Variants in MYBPC2 observed in about 807,000 individuals in gnomAD.
MYBPC2 encodes the protein myosin binding protein C2.
A neutral mutation model predicts 137.0 loss-of-function variants in MYBPC2; 122 were observed. That is an observed-to-expected ratio of 0.89 (90% confidence interval 0.77 to 1.03). The LOEUF (loss-of-function observed/expected upper bound fraction) is 1.03, where lower values mean the gene tolerates loss of function less well. MYBPC2 is among the 50% of genes least tolerant of loss of function. MYBPC2 has a pLI of 0.00. For synonymous variants in MYBPC2, 626 were observed against 612.3 expected (o/e 1.02, Z -0.33); for missense variants, 1,500 against 1,534.4 (o/e 0.98, Z 0.37).
rs1240134621 is a variant in MYBPC2 at position 50,436,625 on chromosome 19, C to T, written c.354C>T (p.Thr118=). Residue 118 remains threonine, a synonymous_variant, in exon 5 of 28, where the codon ACC becomes ACT. Transcript: ENST00000357701. ...CCCGGCCCTGGACCCAGGTGTACAC[C>T]GTGGAGCTGCACATTGGGAAGGTGG... The part of the protein sequence containing the change: ...ESHNSASNVY[T]VELHIGKVVL... 27 of 1,613,688 alleles carry T rather than the reference C, an allele frequency of 1.7e-5. No homozygotes were observed. The highest frequency in any genetic ancestry group is 1.6e-4 in the East Asian group (7 of 44,894).
intron 23 of MYBPC2, 61 bp downstream of exon 23, chr19:50,459,367 G>T: frequency 2.3e-6 from 3 of 1,315,336 alleles, no homozygotes; most frequent in Non-Finnish European, 3.1e-6. Context: ...AGCGATGGGG[G>T]AGGAGGTAAG....
At chr19:50,456,366 G>A (rs1213460557) in intron 20 of MYBPC2, among the ~76,000 whole-genome samples, 1 of 103,598 alleles carries the variant, frequency 9.7e-6, no homozygotes, top group East Asian at 2.8e-4. Flanking sequence ...CCATCCATCT[G>A]TCCATCCATC....
In MYBPC2 at chr19:50,450,797, T is replaced by C. The variant is rs151266866; in HGVS notation, c.1473-32T>C. On this transcript the variant is annotated intron_variant, in intron 13 of 27. Coordinates refer to ENST00000357701, the MANE Select transcript of MYBPC2 (RefSeq NM_004533.4). ...CCATAGTGGTCCCATTGCAATCTGG[T>C]TCGAGCCCTACCCTGCTCCCCCACC... 2.4e-4 allele frequency: 360 copies of C among 1,525,868 alleles called. No homozygotes were observed. In the African/African-American group the frequency reaches 4.6e-3, roughly 19 times the overall value. 94.5% of individuals were successfully genotyped at this position (1,525,868 alleles called of 1,614,324 possible).
intron 26 of MYBPC2, 31 bp from the exon 27 acceptor site, chr19:50,464,315 A>C (rs891608213): frequency 1.3e-6 from 2 of 1,571,800 alleles, no homozygotes; most frequent in Non-Finnish European, 1.7e-6. Flanking sequence ...TCTCTCTCTA[A>C]GTTGGCCTCC....
intron 8 of MYBPC2, among the ~76,000 whole-genome samples, chr19:50,441,364 G>A (rs550351590): frequency 6.6e-6 from 1 of 152,246 alleles, no homozygotes; most frequent in East Asian, 1.9e-4. Flanking sequence ...GCAATGACCA[G>A]ACCACCCAAA....
rs1568669142 is a variant in MYBPC2 at position 50,460,167 on chromosome 19, C to T, written c.2919C>T (p.Asp973=). The stretch of plus-strand genomic sequence containing the variant: ...TGGGGTATTTCGTCCAGAAAGCAGA[C>T]AAAAAAACCATGGTGAGAGAGCAGA... ...EIMGYFVQKA[D]KKTMEWFNVY... Residue 973 remains aspartate, a synonymous_variant, in exon 24 of 28, where the codon GAC becomes GAT. Coordinates refer to ENST00000357701, the MANE Select transcript of MYBPC2 (RefSeq NM_004533.4). 1 of 1,599,452 alleles carries T rather than the reference C, an allele frequency of 6.3e-7. No homozygotes were observed. Among genetic ancestry groups the T allele is most frequent in the East Asian group, 2.2e-5 (1 of 44,472 alleles).
intron 13 of MYBPC2, among the ~76,000 whole-genome samples, chr19:50,448,919 A>C (rs533629922): frequency 6.6e-6 from 1 of 151,960 alleles, no homozygotes; most frequent in African/African-American, 2.4e-5. Context: ...TAGTCAAGAC[A>C]GAGTTTCACC....
intron 4 of MYBPC2, 38 bp from the exon 5 acceptor site, chr19:50,436,579 G>T: frequency 1.3e-6 from 2 of 1,559,032 alleles, no homozygotes; most frequent in Non-Finnish European, 1.8e-6. Context: ...GCTCTAGAGG[G>T]TGGTCCCGTG....
chr19:50,436,781 G>T, intron 5 of MYBPC2, 47 bp downstream of exon 5: 1 of 1,566,430 alleles, frequency 6.4e-7, no homozygotes, highest in South Asian at 1.1e-5. Flanking sequence ...TGTCTGGGTG[G>T]GGTGGACAGA....
rs1242035908 is a variant in MYBPC2 at position 50,465,378 on chromosome 19, C to T, written c.3416-817C>T. Among the ~76,000 whole-genome samples, 1 of 152,214 alleles carries T rather than the reference C, an allele frequency of 6.6e-6. No individual in the cohort carries two copies. Among genetic ancestry groups the T allele is most frequent in the Admixed American group, 6.5e-5 (1 of 15,272 alleles). ...TGGGCTCCGGCCCATCAGATGTCTG[C>T]CAGTCAAGGCTCAGCGAGGAGGCCA... On this transcript the variant is annotated intron_variant, in intron 27 of 27. Coordinates refer to ENST00000357701, the MANE Select transcript of MYBPC2 (RefSeq NM_004533.4). The surrounding 1 kb of genome is among the most constrained non-coding windows in gnomAD (Gnocchi z 4.5).
At chr19:50,461,220 G>A (rs925319243) in intron 24 of MYBPC2, among the ~76,000 whole-genome samples, 2 of 151,124 alleles carry the variant, frequency 1.3e-5, no homozygotes, top group African/African-American at 4.9e-5. Flanking sequence ...GCCCACTCTG[G>A]TCTCAAACTC....
intron 21 of MYBPC2, 48 bp downstream of exon 21, chr19:50,458,802 C>G (rs763777977): frequency 6.2e-7 from 1 of 1,603,342 alleles, no homozygotes; most frequent in Non-Finnish European, 8.5e-7. Flanking sequence ...CTGGCGTCGT[C>G]CCGCCTGCCC....
At chr19:50,436,966 A>G (rs955337164) in intron 5 of MYBPC2, among the ~76,000 whole-genome samples, 1 of 152,110 alleles carries the variant, frequency 6.6e-6, no homozygotes, top group African/African-American at 2.4e-5. Context: ...TGCACATGCA[A>G]AGGCTTAGGA....
In MYBPC2 at chr19:50,435,162, G is replaced by C; in HGVS notation, c.21G>C (p.Ala7=). 1 of 1,310,938 alleles carries C rather than the reference G, an allele frequency of 7.6e-7. No homozygotes were observed. 81.2% of individuals were successfully genotyped at this position (1,310,938 alleles called of 1,614,324 possible). The change falls in exon 2 of 28, where the codon GCG becomes GCC. Residue 7 remains alanine, a splice_region_variant and synonymous_variant. Coordinates refer to ENST00000357701, the MANE Select transcript of MYBPC2 (RefSeq NM_004533.4). This position sits in a 1 kb window ranked among gnomAD's most constrained non-coding sequence, Gnocchi z 4.8. MPEAKP[A]AKKAPKGKDA... ...CTATGACTGTCCCCTACCTTACAGC[G>C]GCCAAAAAGGCCCCCAAAGGCAAAG...
Position 50,466,166 on chromosome 19 carries a change from G to A in MYBPC2, c.3416-29G>A. On this transcript the variant is annotated intron_variant, in intron 27 of 27. Transcript: ENST00000357701. The surrounding 1 kb of genome is among the most constrained non-coding windows in gnomAD (Gnocchi z 4.9). The stretch of plus-strand genomic sequence containing the variant: ...TTCAGGAGGAGGCGTGCCCGGGCCT[G>A]GCTCACCCGCTTTCTCGTTTTCCTG... The A allele has an allele frequency of 1.9e-6, 3 of 1,613,558 alleles. No individual in the cohort carries two copies. In the South Asian group the frequency reaches 3.3e-5, roughly 18 times the overall value.
chr19:50,459,222 G>C lies in MYBPC2; in HGVS notation c.2707G>C (p.Ala903Pro). 1 of 1,611,162 alleles carries C rather than the reference G, an allele frequency of 6.2e-7. No individual in the cohort carries two copies. The highest frequency in any genetic ancestry group is 8.5e-7 in the Non-Finnish European group (1 of 1,179,566). The change falls in exon 23 of 28, where the codon GCC becomes CCC. Residue 903 changes from alanine (A) to proline (P), a missense_variant. Physicochemically the swap from Ala to Pro is conservative, Grantham distance 27. Transcript: ENST00000357701. ...FDTVFFVRQAARSDSGEYELS... is the reference protein window; with the variant it reads ...FDTVFFVRQAPRSDSGEYELS... ...CACCGTGTTCTTCGTGCGCCAGGCG[G>C]CCCGCTCCGACTCCGGGGAGTACGA...
At position 50,455,582 on chromosome 19, in the gene MYBPC2, C is replaced by T. The variant is rs777821573; in HGVS notation, c.2276C>T (p.Pro759Leu). ...TDTTTTLKWR[P>L]PNRIGAGGID... Reference sequence around the variant, plus strand: ...ACCACCACCACACTCAAGTGGAGGCCTCCGAACAGGATCGGGGCAGGTGGC... The same window carrying T: ...ACCACCACCACACTCAAGTGGAGGCTTCCGAACAGGATCGGGGCAGGTGGC... Residue 759 changes from proline (P) to leucine (L), a missense_variant, in exon 20 of 28, where the codon CCT becomes CTT. Coordinates refer to ENST00000357701, the MANE Select transcript of MYBPC2 (RefSeq NM_004533.4). 1.2e-6 allele frequency: 2 copies of T among 1,614,012 alleles called. No individual in the cohort carries two copies. Among genetic ancestry groups the T allele is most frequent in the East Asian group, 2.2e-5 (1 of 44,882 alleles).
At position 50,459,255 on chromosome 19, in the gene MYBPC2, G is replaced by A. The variant is rs1455094346; in HGVS notation, c.2740G>A (p.Val914Met). 1 of 1,611,114 alleles carries A rather than the reference G, an allele frequency of 6.2e-7. No individual in the cohort carries two copies. Among genetic ancestry groups the A allele is most frequent in the Non-Finnish European group, 8.5e-7 (1 of 1,179,440 alleles). The part of the protein sequence containing the change: ...RSDSGEYELS[V>M]QIENMKDTAT... ...CGACTCCGGGGAGTACGAGCTGAGC[G>A]TGCAGATCGAGAACATGAAGGACAC... Residue 914 changes from valine to methionine, a missense_variant, in exon 23 of 28, where the codon GTG becomes ATG. Val to Met is a conservative substitution (Grantham distance 21). Transcript: ENST00000357701.
intron 20 of MYBPC2, 130 bp downstream of exon 20, chr19:50,455,774 T>C (rs1020035653): frequency 6.6e-6 from 9 of 1,356,092 alleles, no homozygotes; most frequent in Non-Finnish European, 8.9e-6. Flanking sequence ...GTGTCTGTAC[T>C]GTTATAAGTC....
Sources: gnomAD v4.1 joint callset for allele counts (sites outside exome capture counted in the v4.1 genomes callset) on GRCh38, gnomAD v4.1.1 for gene constraint, Gnocchi (gnomAD v3.1) non-coding constraint, MANE v1.5 for transcripts, NCBI Gene and HGNC (gene_info 2026-07-23, HGNC 2026-07-21) for gene names.